Variants in PNPT1 observed in about 807,000 individuals in gnomAD.
The protein encoded by PNPT1 is polyribonucleotide nucleotidyltransferase 1, mitochondrial.
A neutral mutation model predicts 119.5 loss-of-function variants in PNPT1; 53 were observed. That is an observed-to-expected ratio of 0.44 (90% confidence interval 0.36 to 0.56). The LOEUF (loss-of-function observed/expected upper bound fraction) is 0.56. Among genes scored for constraint, PNPT1 ranks in the 20% least tolerant of loss-of-function variants. PNPT1 has a pLI of 0.00. For missense variants in PNPT1, 948 were observed against 938.5 expected, an observed-to-expected ratio of 1.01 and a Z score of -0.13; for synonymous variants, 357 against 322.1, an observed-to-expected ratio of 1.11 and a Z score of -1.16.
At chr2:55,679,362 T>A (rs1365745762) in intron 8 of PNPT1, among the ~76,000 whole-genome samples, 1 of 152,204 alleles carries the variant, frequency 6.6e-6, no homozygotes, top group Admixed American at 6.5e-5. Context: ...ACTAATAACT[T>A]ATTAGTCTAA....
At position 55,672,993 on chromosome 2, in the gene PNPT1, T is replaced by C. The variant is rs1408940774; in HGVS notation, c.766A>G (p.Ile256Val). 6.2e-7 allele frequency: 1 copy of C among 1,613,590 alleles called. No homozygotes were observed. Among genetic ancestry groups the C allele is most frequent in the East Asian group, 2.2e-5 (1 of 44,866 alleles). The change falls in exon 9 of 28, where the codon ATT (isoleucine) becomes GTT (valine). Residue 256 changes from isoleucine (I) to valine (V), a missense_variant. By Grantham distance (29) the Ile-to-Val change is conservative. Transcript: ENST00000447944. ...KVGVKYTQQIIQGIQQLVKET... is the reference protein window; with the variant it reads ...KVGVKYTQQIVQGIQQLVKET... ...TTTACCAACTGCTGAATGCCCTGAA[T>C]TATTTGTTGGGTATATTTCACTCCC...
At position 55,636,284 on chromosome 2, in the gene PNPT1, T is replaced by A. The variant is rs1695669921; in HGVS notation, c.2305A>T (p.Ile769Phe). The change falls in exon 28 of 28, where the codon ATT (isoleucine) becomes TTT (phenylalanine). Residue 769 changes from isoleucine (I) to phenylalanine (F), a missense_variant. Physicochemically the swap from Ile to Phe is conservative, Grantham distance 21. Coordinates refer to ENST00000447944, the MANE Select transcript of PNPT1 (RefSeq NM_033109.5). ...TGTGAAATAGGTTCTCCCATTACAA[T>A]ACTACTTCTGTCATTCAAAGTTCTG... The part of the protein sequence containing the change: ...VVRTLNDRSS[I>F]VMGEPISQSS... 6.2e-7 allele frequency: 1 copy of A among 1,613,678 alleles called. No homozygotes were observed. The highest frequency in any genetic ancestry group is 8.5e-7 in the Non-Finnish European group (1 of 1,179,660).
chr2:55,672,983 A>G lies in PNPT1; in HGVS notation c.776T>C (p.Ile259Thr). Residue 259 changes from isoleucine to threonine, a missense_variant, in exon 9 of 28, where the codon ATT (isoleucine) becomes ACT (threonine). Transcript: ENST00000447944. The part of the protein sequence containing the change: ...VKYTQQIIQG[I>T]QQLVKETGVT... Reference sequence around the variant, plus strand: ...ACCAGTTTCTTTTACCAACTGCTGAATGCCCTGAATTATTTGTTGGGTATA... The same window carrying G: ...ACCAGTTTCTTTTACCAACTGCTGAGTGCCCTGAATTATTTGTTGGGTATA... The G allele has an allele frequency of 6.2e-7, 1 of 1,613,552 alleles. No homozygotes were observed. The highest frequency in any genetic ancestry group is 8.5e-7 in the Non-Finnish European group (1 of 1,179,890).
intron 7 of PNPT1, among the ~76,000 whole-genome samples, chr2:55,680,428 A>G (rs1157701110): frequency 7.1e-6 from 1 of 141,008 alleles, no homozygotes; most frequent in Non-Finnish European, 1.6e-5. Context: ...TCCCAGTTAA[A>G]AAAAAAAAAA....
intron 8 of PNPT1, among the ~76,000 whole-genome samples, chr2:55,674,355 A>C (rs544117597): frequency 9.1e-4 from 139 of 152,310 alleles, no homozygotes; most frequent in Admixed American, 3.2e-3. Context: ...GCACTTTGGG[A>C]GGCTAAAGTG....
Position 55,691,866 on chromosome 2 carries a change from ATATATATATATATTTTTTTTTT to A in PNPT1, c.161+1775_161+1796del, listed in dbSNP as rs1467530084. Among the ~76,000 whole-genome samples, 184 of 77,266 alleles carry A rather than the reference ATATATATATATATTTTTTTTTT, an allele frequency of 2.4e-3. 9 individuals carry two copies. The highest frequency in any genetic ancestry group is 9.5e-3 in the Admixed American group (75 of 7,936). The allele number at this position is 77,266 out of a possible 152,430, so 50.7% of individuals were successfully genotyped here. A position where few individuals can be genotyped will look rare whatever the true frequency, so the allele number is the denominator to read the frequency against. On this transcript the variant is annotated intron_variant, in intron 1 of 27. Transcript: ENST00000447944. ...AAAATGTTTATATATATATATATAT[ATATATATATATATTTTTTTTTT>A]TTTTTTTTTTTTTTGAGACAAAAGT...
intron 26 of PNPT1, among the ~76,000 whole-genome samples, chr2:55,638,924 GC>G (rs1559084588): frequency 6.6e-6 from 1 of 151,872 alleles, no homozygotes; most frequent in Admixed American, 6.6e-5. Flanking sequence ...ACAGGTGCAC[GC>G]CATCATGCCC....
intron 8 of PNPT1, among the ~76,000 whole-genome samples, chr2:55,677,898 C>T (rs552446651): frequency 8.8e-4 from 134 of 152,036 alleles, no homozygotes; most frequent in African/African-American, 3.2e-3. Context: ...GCCAACACGC[C>T]CGGCTAATTT....
chr2:55,683,078 G>A (rs1697297741), intron 5 of PNPT1, among the ~76,000 whole-genome samples: 1 of 152,212 alleles, frequency 6.6e-6, no homozygotes, highest in South Asian at 2.1e-4. Context: ...ATATAATAAA[G>A]TAGAGGTTCA....
intron 5 of PNPT1, among the ~76,000 whole-genome samples, chr2:55,682,229 C>T (rs940924138): frequency 6.6e-6 from 1 of 152,072 alleles, no homozygotes; most frequent in African/African-American, 2.4e-5. Context: ...GAGGCTGAGG[C>T]AGCGGATCAC....
chr2:55,653,707 C>T (rs1290919625), intron 18 of PNPT1, among the ~76,000 whole-genome samples: 1 of 152,206 alleles, frequency 6.6e-6, no homozygotes, highest in Non-Finnish European at 1.5e-5. Flanking sequence ...GAATAAATTA[C>T]AAAAGTACCT....
rs1213292813 is a variant in PNPT1, at chr2:55,663,281, A to G, written c.1177-1255T>C. On this transcript the variant is annotated intron_variant, in intron 13 of 27. Coordinates refer to ENST00000447944, the MANE Select transcript of PNPT1 (RefSeq NM_033109.5). ...TGAAAACTTTAATATCTCATAATGG[A>G]GGGGAGATGGCAAGAGTCAGTGAGC... Among the ~76,000 whole-genome samples the G allele has an allele frequency of 8.5e-5, 13 of 152,334 alleles. No homozygotes were observed. In the East Asian group the frequency reaches 2.5e-3, roughly 29 times the overall value.
chr2:55,680,059 TTCTC>T (rs1559109412), intron 7 of PNPT1, among the ~76,000 whole-genome samples: 2 of 152,318 alleles, frequency 1.3e-5, no homozygotes, highest in South Asian at 2.1e-4. Flanking sequence ...CCAGTCAGTA[TTCTC>T]TCTAACGCAA....
At chr2:55,675,672 T>G (rs898009342) in intron 8 of PNPT1, among the ~76,000 whole-genome samples, 1 of 151,996 alleles carries the variant, frequency 6.6e-6, no homozygotes, top group Non-Finnish European at 1.5e-5. Flanking sequence ...CATTCCAGCT[T>G]GGCAACAGAG....
At chr2:55,657,256 G>GAA in intron 15 of PNPT1, among the ~76,000 whole-genome samples, 1 of 151,876 alleles carries the variant, frequency 6.6e-6, no homozygotes. Context: ...TTGAACCCAG[G>GAA]AGGTGGAGGT....
Position 55,643,060 on chromosome 2 carries a change from G to A in PNPT1, c.2069+98C>T. The A allele has an allele frequency of 2.3e-6, 3 of 1,293,332 alleles. No homozygotes were observed. The Admixed American group carries it at 5.6e-5, about 24-fold the overall frequency. The allele number at this position is 1,293,332 out of a possible 1,614,324, so 80.1% of individuals were successfully genotyped here. A position where few individuals can be genotyped will look rare whatever the true frequency, so the allele number is the denominator to read the frequency against. ...TCCCAGGAGTTCAAGGCAGCTGTGA[G>A]GTACAATGGCACCACTGTATCCCAC... On this transcript the variant is annotated intron_variant, in intron 25 of 27. Transcript: ENST00000447944.
chr2:55,681,779 G>C (rs1435280893), intron 5 of PNPT1, among the ~76,000 whole-genome samples: 2 of 150,830 alleles, frequency 1.3e-5, no homozygotes, highest in African/African-American at 4.9e-5. Context: ...CGGAGGCAGA[G>C]GTTTCAGTGA....
intron 13 of PNPT1, among the ~76,000 whole-genome samples, chr2:55,663,119 C>A (rs927896699): frequency 6.6e-6 from 1 of 152,014 alleles, no homozygotes; most frequent in African/African-American, 2.4e-5. Flanking sequence ...CTCCTGACCT[C>A]GTGATCCATC....
At chr2:55,689,297 A>G (rs1015555815) in intron 1 of PNPT1, among the ~76,000 whole-genome samples, 1 of 152,216 alleles carries the variant, frequency 6.6e-6, no homozygotes, top group African/African-American at 2.4e-5. Context: ...CCATGTCTCC[A>G]AAAAAGACAT....
Sources: allele counts gnomAD v4.1 joint callset (sites outside exome capture counted in the v4.1 genomes callset), GRCh38; gene constraint gnomAD v4.1.1; transcripts MANE v1.5; gene names NCBI Gene and HGNC (gene_info 2026-07-23, HGNC 2026-07-21).